ABLIM1: variants seen among roughly 807,000 people sequenced by gnomAD.
ABLIM1 encodes the protein actin binding LIM protein 1, also known as actin-binding LIM protein 1.
Under a neutral mutation model 107.0 loss-of-function variants are expected in ABLIM1, and 40 were observed. The ratio of observed to expected loss-of-function variants is 0.37; its 90% CI spans 0.29 to 0.49. The LOEUF (loss-of-function observed/expected upper bound fraction) is 0.49, where lower values mean the gene tolerates loss of function less well. Ranked by LOEUF, ABLIM1 falls within the 20% of genes least tolerant of loss-of-function variation. The pLI, the probability that ABLIM1 is intolerant of heterozygous loss-of-function variation, is 0.97. For missense variants in ABLIM1, 857 were observed against 1,008.5 expected (o/e 0.85, Z 2.04); for synonymous variants, 357 against 357.3 (o/e 1.00, Z 0.01).
chr10:114,604,824 G>T (rs1281190923), intron 1 of ABLIM1, among the ~76,000 whole-genome samples: 1 of 152,144 alleles, frequency 6.6e-6, no homozygotes, highest in African/African-American at 2.4e-5. Flanking sequence ...ATTTCTTATT[G>T]CTAAGCAAGG....
chr10:114,531,971 T>C (rs1423874441), intron 6 of ABLIM1, among the ~76,000 whole-genome samples: 2 of 152,104 alleles, frequency 1.3e-5, no homozygotes, highest in African/African-American at 4.8e-5. Flanking sequence ...CATACCATCA[T>C]GCCCAGCTAA....
At chr10:114,674,408 T>C (rs1241208929) in intron 1 of ABLIM1, among the ~76,000 whole-genome samples, 1 of 152,170 alleles carries the variant, frequency 6.6e-6, no homozygotes, top group Non-Finnish European at 1.5e-5. Flanking sequence ...ATCGTAACTG[T>C]AAAAATGTTT....
chr10:114,451,591 T>C (rs768020422), intron 14 of ABLIM1, 33 bp downstream of exon 14: 2 of 1,596,026 alleles, frequency 1.3e-6, no homozygotes, highest in Non-Finnish European at 1.7e-6. Context: ...GACTTTGCTA[T>C]TTAAAAGCTA....
At chr10:114,644,174 G>A (rs1330852706) in intron 1 of ABLIM1, among the ~76,000 whole-genome samples, 25 of 147,442 alleles carry the variant, frequency 1.7e-4, no homozygotes, top group South Asian at 4.3e-4. Flanking sequence ...CCAGCTACTC[G>A]GGAGGCTGAG....
At chr10:114,644,241 A>G (rs980964332) in intron 1 of ABLIM1, among the ~76,000 whole-genome samples, 45 of 130,326 alleles carry the variant, frequency 3.5e-4, no homozygotes, top group African/African-American at 1.2e-3. Flanking sequence ...AGATCACACC[A>G]CAGCACTCCA....
At chr10:114,580,951 C>G (rs925693805) in intron 2 of ABLIM1, among the ~76,000 whole-genome samples, 142 of 152,258 alleles carry the variant, frequency 9.3e-4, no homozygotes, top group African/African-American at 3.2e-3. Flanking sequence ...AGATTAATTG[C>G]TTTCTTCTGA....
chr10:114,636,248 CCAG>C (rs2078475064), intron 1 of ABLIM1, among the ~76,000 whole-genome samples: 1 of 152,096 alleles, frequency 6.6e-6, no homozygotes, highest in Non-Finnish European at 1.5e-5. Flanking sequence ...AAGAAGGCAT[CCAG>C]TAGTTCACTA....
At chr10:114,525,988 T>C (rs2064663226) in intron 6 of ABLIM1, among the ~76,000 whole-genome samples, 1 of 152,232 alleles carries the variant, frequency 6.6e-6, no homozygotes, top group South Asian at 2.1e-4. Context: ...AACTGGGTTT[T>C]TAGGAAAACT....
intron 1 of ABLIM1, among the ~76,000 whole-genome samples, chr10:114,604,432 C>T (rs1192341712): frequency 6.6e-6 from 1 of 152,212 alleles, no homozygotes; most frequent in African/African-American, 2.4e-5. Flanking sequence ...ACACACGTAG[C>T]AATAAGGTTT....
upstream of ABLIM1, among the ~76,000 whole-genome samples, chr10:114,687,113 A>G (rs2080959356): frequency 6.6e-6 from 1 of 152,362 alleles, no homozygotes; most frequent in African/African-American, 2.4e-5. Context: ...TTAAAATTGC[A>G]TCTTCACCTG....
At chr10:114,793,565 C>T in the ABLIM1 span, among the ~76,000 whole-genome samples, 1 of 152,184 alleles carries the variant, frequency 6.6e-6, no homozygotes, top group South Asian at 2.1e-4. Context: ...GATAGTGCAG[C>T]ATAATTGACA....
At chr10:114,497,476 G>A (rs2059827283) in intron 6 of ABLIM1, among the ~76,000 whole-genome samples, 1 of 151,422 alleles carries the variant, frequency 6.6e-6, no homozygotes, top group Admixed American at 6.6e-5. Flanking sequence ...TCAGGAGATC[G>A]AGACCATCCT....
intron 16 of ABLIM1, among the ~76,000 whole-genome samples, 196 bp downstream of exon 16, chr10:114,445,116 G>A (rs1445182024): frequency 1.3e-5 from 2 of 152,136 alleles, no homozygotes; most frequent in African/African-American, 2.4e-5. Flanking sequence ...CTCCTCTAGA[G>A]CCCAGCAGGT....
intron 6 of ABLIM1, among the ~76,000 whole-genome samples, chr10:114,513,011 A>G (rs116459326): frequency 0.034 from 5,241 of 152,204 alleles, 255 homozygotes; most frequent in African/African-American, 0.11. Context: ...CACTTACACT[A>G]TAGTCAAGAA....
At position 114,434,196 on chromosome 10, in the gene ABLIM1, T is replaced by G. The variant is rs2059138842; in HGVS notation, c.*2064A>C. 6.6e-6 allele frequency: 1 copy of G among 151,884 alleles called. No homozygotes were observed. Among genetic ancestry groups the G allele is most frequent in the Admixed American group, 6.6e-5 (1 of 15,238 alleles). 9.4% of individuals were successfully genotyped at this position (151,884 alleles called of 1,614,324 possible). Reference sequence around the variant, plus strand: ...CCAAAGGCTAAACTGCAAACTGCAGTGTGGCTTCCAACCAAGCAAGAGCTG... The same window carrying G: ...CCAAAGGCTAAACTGCAAACTGCAGGGTGGCTTCCAACCAAGCAAGAGCTG... On this transcript the variant is annotated 3_prime_UTR_variant, in exon 23 of 23. Coordinates refer to ENST00000533213, the MANE Select transcript of ABLIM1 (RefSeq NM_002313.7).
At chr10:114,631,457 C>G (rs1373037375) in intron 1 of ABLIM1, among the ~76,000 whole-genome samples, 1 of 152,098 alleles carries the variant, frequency 6.6e-6, no homozygotes, top group African/African-American at 2.4e-5. Context: ...TCCTTTCAGC[C>G]GGATCTAGCG....
rs761338173 is a variant in ABLIM1, at chr10:114,465,747, G to A, written c.1392C>T (p.His464=). 4 of 1,614,112 alleles carry A rather than the reference G, an allele frequency of 2.5e-6. No individual in the cohort carries two copies. The highest frequency in any genetic ancestry group is 1.3e-5 in the African/African-American group (1 of 75,032). ...AGCGGGACGTGGTTGGAGTGTAGCT[G>A]TGGCGGCTGTACACAGGGGAGTTGA... The part of the protein sequence containing the change: ...GSINSPVYSR[H]SYTPTTSRSP... The change falls in exon 12 of 23, where the codon CAC becomes CAT. Residue 464 remains histidine, a synonymous_variant. Transcript: ENST00000533213.
intron 1 of ABLIM1, among the ~76,000 whole-genome samples, chr10:114,700,486 A>G (rs946202698): frequency 1.4e-5 from 2 of 146,154 alleles, no homozygotes; most frequent in African/African-American, 5.2e-5. Context: ...GCCAAAAACA[A>G]TTAAAACACA....
rs890881147 is a variant in ABLIM1, at chr10:114,629,993, A to G, written c.244+27964T>C. ...CTTTAATCAGTGTCTAAGGGTTAAG[A>G]TAATACTAGTATGTGACCTCTTGGT... On this transcript the variant is annotated intron_variant, in intron 1 of 22. Coordinates refer to ENST00000533213, the MANE Select transcript of ABLIM1 (RefSeq NM_002313.7). The surrounding 1 kb of genome is among the most constrained non-coding windows in gnomAD (Gnocchi z 4.0). 9.9e-5 allele frequency among the ~76,000 whole-genome samples: 15 copies of G among 152,164 alleles called. No homozygotes were observed. Among genetic ancestry groups the G allele is most frequent in the Admixed American group, 2.0e-4 (3 of 15,282 alleles).
Sources: gnomAD v4.1 joint callset for allele counts (sites outside exome capture counted in the v4.1 genomes callset) on GRCh38, gnomAD v4.1.1 for gene constraint, Gnocchi (gnomAD v3.1) non-coding constraint, MANE v1.5 for transcripts, NCBI Gene and HGNC (gene_info 2026-07-23, HGNC 2026-07-21) for gene names.